The following ZSWIM5 variants were observed in gnomAD, a reference collection of about 807,000 sequenced individuals.
The protein encoded by ZSWIM5 is zinc finger SWIM-type containing 5, also known as zinc finger SWIM domain-containing protein 5.
A neutral mutation model predicts 119.6 loss-of-function variants in ZSWIM5; 55 were observed. The observed-to-expected ratio is 0.46, with a 90% CI of 0.37 to 0.58. ZSWIM5 has a LOEUF of 0.58. ZSWIM5 is among the 20% of genes least tolerant of loss of function. The pLI, the probability that ZSWIM5 is intolerant of heterozygous loss-of-function variation, is 0.00. For synonymous variants in ZSWIM5, 537 were observed against 606.9 expected (o/e 0.88, Z 1.69); for missense variants, 1,193 against 1,512.8 (o/e 0.79, Z 3.51).
chr1:45,082,581 C>T (rs1269797037), intron 2 of ZSWIM5, among the ~76,000 whole-genome samples: 1 of 152,144 alleles, frequency 6.6e-6, no homozygotes, highest in Non-Finnish European at 1.5e-5. Context: ...GTGATGTCTC[C>T]CCTTTTTGTA....
chr1:45,019,321 CAG>C lies in ZSWIM5; in HGVS notation c.2696-7_2696-6del, dbSNP rs772546806. 9 of 1,604,608 alleles carry C rather than the reference CAG, an allele frequency of 5.6e-6. No homozygotes were observed. Among genetic ancestry groups the C allele is most frequent in the Non-Finnish European group, 7.6e-6 (9 of 1,176,812 alleles). The stretch of plus-strand genomic sequence containing the variant: ...TGCTCACCAGGGCCCGCACACCTGT[CAG>C]GGGGAGCCTGAGCTCAGCCGTGGCC... On this transcript the variant is annotated splice_region_variant and splice_polypyrimidine_tract_variant and intron_variant, in intron 13 of 13. Transcript: ENST00000359600. The surrounding 1 kb of genome is among the most constrained non-coding windows in gnomAD (Gnocchi z 5.0).
Position 45,017,563 on chromosome 1 carries a change from T to G in ZSWIM5, c.*891A>C, listed in dbSNP as rs949059627. ...AGATGTATCTATGTACATACACACA[T>G]GTACTTAGCCATAAAGATACACACA... On this transcript the variant is annotated 3_prime_UTR_variant, in exon 14 of 14. Transcript: ENST00000359600. 6.6e-6 allele frequency: 1 copy of G among 152,224 alleles called. No homozygotes were observed. Among genetic ancestry groups the G allele is most frequent in the Non-Finnish European group, 1.5e-5 (1 of 68,046 alleles). 9.4% of individuals were successfully genotyped at this position (152,224 alleles called of 1,614,324 possible).
At chr1:45,100,830 G>A (rs1570097784) in intron 1 of ZSWIM5, among the ~76,000 whole-genome samples, 2 of 152,162 alleles carry the variant, frequency 1.3e-5, no homozygotes, top group Admixed American at 1.3e-4. Context: ...ATGGTGCTGG[G>A]AAAACTGGCT....
At chr1:45,117,615 T>C (rs1570117475) in intron 1 of ZSWIM5, among the ~76,000 whole-genome samples, 1 of 152,132 alleles carries the variant, frequency 6.6e-6, no homozygotes. Context: ...GAGGCTGCAG[T>C]GAGCCATATT....
intron 1 of ZSWIM5, among the ~76,000 whole-genome samples, chr1:45,201,112 G>C (rs976724431): frequency 6.6e-6 from 1 of 152,158 alleles, no homozygotes; most frequent in African/African-American, 2.4e-5. Context: ...CAAAATCAGA[G>C]ATTGGAATTT....
At chr1:45,198,649 C>T (rs1321343051) in intron 1 of ZSWIM5, among the ~76,000 whole-genome samples, 1 of 152,172 alleles carries the variant, frequency 6.6e-6, no homozygotes, top group African/African-American at 2.4e-5. Context: ...AATCATTAGG[C>T]ATCCACCTAA....
At position 45,018,569 on chromosome 1, in the gene ZSWIM5, G is replaced by T; in HGVS notation, c.3443C>A (p.Thr1148Asn). 1 of 1,614,174 alleles carries T rather than the reference G, an allele frequency of 6.2e-7. No individual in the cohort carries two copies. Among genetic ancestry groups the T allele is most frequent in the Non-Finnish European group, 8.5e-7 (1 of 1,180,022 alleles). ...FIEFLSKARE[T>N]FLLPQDGHLQ... ...GTGGCCATCCTGGGGCAGCAGGAAG[G>T]TCTCCCGAGCCTTGCTTAGAAACTC... Residue 1148 changes from threonine to asparagine, a missense_variant, in exon 14 of 14, where the codon ACC becomes AAC. Around this residue, in one of 2 missense-constraint regions of ZSWIM5, gnomAD observed 961 missense variants for 1,290.0 expected, o/e 0.74. Transcript: ENST00000359600. The surrounding 1 kb of genome is among the most constrained non-coding windows in gnomAD (Gnocchi z 6.7).
intron 1 of ZSWIM5, among the ~76,000 whole-genome samples, chr1:45,132,130 T>G (rs1358578740): frequency 6.6e-6 from 1 of 150,960 alleles, no homozygotes. Flanking sequence ...ACTATGTATA[T>G]ATGTAATTGA....
intron 11 of ZSWIM5, among the ~76,000 whole-genome samples, chr1:45,032,777 G>A (rs141583701): frequency 0.012 from 1,790 of 148,110 alleles, 40 homozygotes; most frequent in African/African-American, 0.042. Context: ...GTGAGCCACC[G>A]TGCCTGGCCT....
intron 1 of ZSWIM5, among the ~76,000 whole-genome samples, chr1:45,125,720 G>A (rs529219145): frequency 1.2e-3 from 171 of 147,636 alleles, no homozygotes; most frequent in Non-Finnish European, 8.7e-4. Context: ...CCGAGATTGC[G>A]TCATTGCACT....
At chr1:45,132,531 A>C (rs1157084753) in intron 1 of ZSWIM5, among the ~76,000 whole-genome samples, 1 of 152,188 alleles carries the variant, frequency 6.6e-6, no homozygotes, top group Non-Finnish European at 1.5e-5. Context: ...ATTAAATAGC[A>C]CTGTGATTCA....
In ZSWIM5 at chr1:45,088,194, A is replaced by G; in HGVS notation, c.639T>C (p.Ser213=). 1.2e-6 allele frequency: 2 copies of G among 1,613,534 alleles called. No individual in the cohort carries two copies. The highest frequency in any genetic ancestry group is 1.7e-6 in the Non-Finnish European group (2 of 1,179,596). ...SGTVTELATA[S]EPAVTYKVAI... The stretch of plus-strand genomic sequence containing the variant: ...CAACTTTATAAGTCACTGCTGGTTC[A>G]GAGGCAGTGGCCAGCTCAGTTACTG... The change falls in exon 2 of 14, where the codon TCT becomes TCC. Residue 213 remains serine (S), a synonymous_variant. Transcript: ENST00000359600. The surrounding 1 kb of genome is among the most constrained non-coding windows in gnomAD (Gnocchi z 4.2).
intron 5 of ZSWIM5, among the ~76,000 whole-genome samples, chr1:45,048,134 A>G (rs1645068406): frequency 8.0e-6 from 1 of 124,488 alleles, no homozygotes; most frequent in Non-Finnish European, 1.6e-5. Flanking sequence ...CCCAGGCTGG[A>G]GTGCAGTGGC....
intron 5 of ZSWIM5, among the ~76,000 whole-genome samples, chr1:45,045,090 G>A (rs961339431): frequency 1.5e-4 from 23 of 151,496 alleles, no homozygotes; most frequent in Non-Finnish European, 2.9e-4. Context: ...CTCCCTTCAG[G>A]AAAAGGGCTG....
chr1:45,103,931 C>A (rs1195666055), intron 1 of ZSWIM5, among the ~76,000 whole-genome samples: 1 of 152,066 alleles, frequency 6.6e-6, no homozygotes, highest in African/African-American at 2.4e-5. Context: ...GGTGTTAATG[C>A]ATGAAAATGA....
intron 1 of ZSWIM5, among the ~76,000 whole-genome samples, chr1:45,154,199 A>G (rs1645813881): frequency 7.9e-5 from 12 of 152,132 alleles, no homozygotes; most frequent in Admixed American, 7.9e-4. Flanking sequence ...ATTCAATGCA[A>G]TTCCCATCAA....
intron 1 of ZSWIM5, among the ~76,000 whole-genome samples, chr1:45,092,873 G>C (rs1447841177): frequency 6.6e-6 from 1 of 152,224 alleles, no homozygotes; most frequent in Admixed American, 6.5e-5. Context: ...AAAATTTCCA[G>C]CCTGCCCTGC....
chr1:45,101,961 G>C (rs1279346695), intron 1 of ZSWIM5, among the ~76,000 whole-genome samples: 1 of 151,462 alleles, frequency 6.6e-6, no homozygotes, highest in East Asian at 1.9e-4. Flanking sequence ...AATGAGTGCA[G>C]CAAACCAACA....
At chr1:45,092,213 T>G (rs932164517) in intron 1 of ZSWIM5, among the ~76,000 whole-genome samples, 1 of 152,168 alleles carries the variant, frequency 6.6e-6, no homozygotes, top group Non-Finnish European at 1.5e-5. Context: ...CCATTCTAAG[T>G]TCTTTATATG....
Sources: gnomAD v4.1 joint callset for allele counts (sites outside exome capture counted in the v4.1 genomes callset) on GRCh38, gnomAD v4.1.1 for gene constraint, gnomAD v4.1.1 regional missense constraint, Gnocchi (gnomAD v3.1) non-coding constraint, MANE v1.5 for transcripts, NCBI Gene and HGNC (gene_info 2026-07-23, HGNC 2026-07-21) for gene names.